The following MGAM variants were observed in gnomAD, a reference collection of about 807,000 sequenced individuals.
MGAM encodes maltase-glucoamylase, also known as alpha-1,4-glucosidase.
In MGAM, 253 loss-of-function variants were observed where a neutral mutation model predicts 358.8. The ratio of observed to expected loss-of-function variants is 0.71; its 90% CI spans 0.64 to 0.78. The LOEUF (loss-of-function observed/expected upper bound fraction) is 0.78, where lower values mean the gene tolerates loss of function less well. Ranked by LOEUF, MGAM falls within the 30% of genes least tolerant of loss-of-function variation. The probability of loss-of-function intolerance (pLI) is 0.00; values close to 1 mark genes in which losing one functional copy is unlikely to be tolerated. For missense variants in MGAM, 3,080 were observed against 3,432.6 expected, an observed-to-expected ratio of 0.90 and a Z score of 2.57; for synonymous variants, 1,105 against 1,227.1, an observed-to-expected ratio of 0.90 and a Z score of 2.08.
chr7:142,106,374 G>A lies in MGAM; in HGVS notation c.*483G>A, dbSNP rs1816858026. 1 of 152,520 alleles carries A rather than the reference G, an allele frequency of 6.6e-6. No individual in the cohort carries two copies. The highest frequency in any genetic ancestry group is 1.5e-5 in the Non-Finnish European group (1 of 68,278). 9.4% of individuals were successfully genotyped at this position (152,520 alleles called of 1,614,324 possible). A position where few individuals can be genotyped will look rare whatever the true frequency, so the allele number is the denominator to read the frequency against. ...GAATAATATACCTAATTGGTTATAGGTGGGGGGAGCATGATAAGCAAAGAA... is the reference window on the plus strand; with the variant it reads ...GAATAATATACCTAATTGGTTATAGATGGGGGGAGCATGATAAGCAAAGAA... On this transcript the variant is annotated 3_prime_UTR_variant, in exon 71 of 71. Transcript: ENST00000475668.
At chr7:142,022,215 G>T (rs931934000) in intron 6 of MGAM, 53 bp from the exon 7 acceptor site, 4 of 1,518,082 alleles carry the variant, frequency 2.6e-6, no homozygotes, top group Non-Finnish European at 3.6e-6. Context: ...AAGCACTTAC[G>T]TTCTCTCCAC....
intron 49 of MGAM, among the ~76,000 whole-genome samples, chr7:142,079,425 G>A (rs1162211630): frequency 6.9e-6 from 1 of 145,560 alleles, no homozygotes; most frequent in Non-Finnish European, 1.6e-5. Context: ...AATGATGACC[G>A]CGTTGGTATC....
In MGAM at chr7:142,056,484, C is replaced by G. The variant is rs2961079; in HGVS notation, c.3581-346C>G. On this transcript the variant is annotated intron_variant, in intron 29 of 70. Coordinates refer to ENST00000475668, the MANE Select transcript of MGAM (RefSeq NM_001365693.1). ...CCTATCGGGTACTCTGCTCACTGTC[C>G]GGGTGAGGGATCCATACCCTAAACC... is the stretch of plus-strand genomic sequence containing the variant. Among the ~76,000 whole-genome samples the G allele has an allele frequency of 3.6e-3, 545 of 151,968 alleles. 2 individuals carry two copies. The highest frequency in any genetic ancestry group is 0.013 in the African/African-American group (518 of 41,422).
chr7:142,100,038 T>C (rs921693365), intron 67 of MGAM, among the ~76,000 whole-genome samples: 13 of 152,190 alleles, frequency 8.5e-5, no homozygotes, highest in Non-Finnish European at 1.9e-4. Context: ...AGTTTTAGTA[T>C]ACTATTGGGT....
upstream of MGAM, among the ~76,000 whole-genome samples, chr7:141,992,373 A>T (rs1279934221): frequency 5.3e-5 from 8 of 151,706 alleles, no homozygotes; most frequent in African/African-American, 1.9e-4. Context: ...ACCCACACAA[A>T]CCTCCTATTC....
rs371216137 is a variant in MGAM at position 142,094,643 on chromosome 7, G to A, written c.7330G>A (p.Gly2444Ser). ...AGGCATGATGGAGTTCAGCCTCTTC[G>A]GCATATCCTATGTGAGTGTCCTTGG... ...IIGMMEFSLF[G>S]ISYTGADICG... Residue 2444 changes from glycine to serine, a missense_variant, in exon 62 of 71, where the codon GGC (glycine) becomes AGC (serine). Coordinates refer to ENST00000475668, the MANE Select transcript of MGAM (RefSeq NM_001365693.1). 5.3e-5 allele frequency: 86 copies of A among 1,611,054 alleles called. No homozygotes were observed. The highest frequency in any genetic ancestry group is 6.8e-5 in the Non-Finnish European group (80 of 1,178,578).
At chr7:142,003,043 C>G (rs569600765) in intron 1 of MGAM, among the ~76,000 whole-genome samples, 24 of 152,096 alleles carry the variant, frequency 1.6e-4, no homozygotes, top group African/African-American at 5.3e-4. Flanking sequence ...CTACAGACAA[C>G]TATAAAACAC....
intron 3 of MGAM, among the ~76,000 whole-genome samples, 173 bp from the exon 4 acceptor site, chr7:142,019,026 T>C (rs552649570): frequency 6.6e-6 from 1 of 152,266 alleles, no homozygotes; most frequent in South Asian, 2.1e-4. Flanking sequence ...AAATTGGTTG[T>C]GGGTAGAAAC....
intron 34 of MGAM, among the ~76,000 whole-genome samples, chr7:142,061,389 C>T (rs1812185386): frequency 6.6e-6 from 1 of 152,114 alleles, no homozygotes. Flanking sequence ...CTGGTTCCTA[C>T]CTCCATTTCC....
intron 57 of MGAM, among the ~76,000 whole-genome samples, chr7:142,088,851 A>G (rs1815079292): frequency 7.1e-6 from 1 of 141,004 alleles, no homozygotes; most frequent in African/African-American, 2.5e-5. Context: ...CTATCTATCT[A>G]TCTATCTATC....
At chr7:142,043,907 T>C in intron 21 of MGAM, among the ~76,000 whole-genome samples, 1 of 123,896 alleles carries the variant, frequency 8.1e-6, no homozygotes, top group Non-Finnish European at 1.6e-5. Context: ...TATATACACA[T>C]ACGACGTATA....
chr7:142,091,309 C>T lies in MGAM; in HGVS notation c.6811-604C>T, dbSNP rs1296377238. Among the ~76,000 whole-genome samples, 2 of 143,500 alleles carry T rather than the reference C, an allele frequency of 1.4e-5. 1 individual carries two copies. The highest frequency in any genetic ancestry group is 3.1e-5 in the Non-Finnish European group (2 of 63,864). 94.1% of individuals were successfully genotyped at this position (143,500 alleles called of 152,430 possible). ...CATCTTGCAGGTTAAAACAAAAACA[C>T]ACCTGTTATTATCTGAAGAAAGATG... On this transcript the variant is annotated intron_variant, in intron 57 of 70. Transcript: ENST00000475668.
chr7:141,998,863 A>T (rs1554449711), intron 1 of MGAM, among the ~76,000 whole-genome samples: 1 of 151,946 alleles, frequency 6.6e-6, no homozygotes, highest in African/African-American at 2.4e-5. Flanking sequence ...ACTAATTTAC[A>T]CTCCCAACAG....
intron 14 of MGAM, 68 bp from the exon 15 acceptor site, chr7:142,034,194 T>TTG (rs10693852): frequency 0.65 from 752,506 of 1,151,942 alleles, 251,043 homozygotes; most frequent in African/African-American, 0.93. Context: ...TCATTTCGGA[T>TTG]TGTGATAGTC....
intron 3 of MGAM, among the ~76,000 whole-genome samples, chr7:142,011,679 T>C (rs1270420053): frequency 3.3e-5 from 5 of 152,226 alleles, no homozygotes; most frequent in Non-Finnish European, 7.3e-5. Context: ...CAGCTAAACA[T>C]ACTCATTAAA....
chr7:142,098,881 A>G (rs1206249375), intron 66 of MGAM, among the ~76,000 whole-genome samples: 2 of 152,232 alleles, frequency 1.3e-5, no homozygotes, highest in Non-Finnish European at 2.9e-5. Flanking sequence ...TTCATAGTTA[A>G]TATTAATGAA....
chr7:142,056,215 G>A (rs548898808), intron 29 of MGAM, 119 bp downstream of exon 29: 3 of 881,520 alleles, frequency 3.4e-6, no homozygotes, highest in East Asian at 2.6e-5. Flanking sequence ...GGGCACTGCT[G>A]TTTATTTTTT....
chr7:142,088,996 GTATC>G (rs71166560), intron 57 of MGAM, among the ~76,000 whole-genome samples: 6,972 of 117,940 alleles, frequency 0.059, 611 homozygotes, highest in Middle Eastern at 0.14. Flanking sequence ...ATGTATGTAT[GTATC>G]TATCTATCTA....
At chr7:142,037,158 A>G (rs1428151974) in intron 18 of MGAM, among the ~76,000 whole-genome samples, 181 bp downstream of exon 18, 2 of 152,202 alleles carry the variant, frequency 1.3e-5, no homozygotes, top group Admixed American at 6.5e-5. Flanking sequence ...TAACTGGAAT[A>G]CCTAGTTGGT....
Sources: gnomAD v4.1 joint callset for allele counts (sites outside exome capture counted in the v4.1 genomes callset) on GRCh38, gnomAD v4.1.1 for gene constraint, MANE v1.5 for transcripts, NCBI Gene and HGNC (gene_info 2026-07-23, HGNC 2026-07-21) for gene names.